The following NT5DC1 variants were observed in gnomAD, a reference collection of about 807,000 sequenced individuals.
NT5DC1 encodes 5'-nucleotidase domain containing 1.
A neutral mutation model predicts 59.4 loss-of-function variants in NT5DC1; 42 were observed. The ratio of observed to expected loss-of-function variants is 0.71; its 90% CI spans 0.55 to 0.92. The LOEUF is 0.92. NT5DC1 is among the 40% of genes least tolerant of loss of function. The pLI is 0.00. For missense variants in NT5DC1, 501 were observed against 537.1 expected (o/e 0.93, Z 0.66); for synonymous variants, 172 against 188.1 (o/e 0.91, Z 0.70).
At chr6:116,182,617 T>A (rs2114477056) in intron 6 of NT5DC1, among the ~76,000 whole-genome samples, 1 of 152,278 alleles carries the variant, frequency 6.6e-6, no homozygotes, top group Middle Eastern at 3.4e-3. Flanking sequence ...GGTTTTGGTT[T>A]GCATTTCCCT....
intron 6 of NT5DC1, among the ~76,000 whole-genome samples, chr6:116,195,357 AT>A (rs1781200883): frequency 6.6e-6 from 1 of 151,808 alleles, no homozygotes; most frequent in Non-Finnish European, 1.5e-5. Flanking sequence ...TGGAAACACC[AT>A]TTTCTGTATT....
chr6:116,228,224 T>C (rs1462971543), intron 8 of NT5DC1, among the ~76,000 whole-genome samples: 1 of 152,148 alleles, frequency 6.6e-6, no homozygotes, highest in Non-Finnish European at 1.5e-5. Context: ...TTTACCTCAT[T>C]TTGGCCGGGA....
At chr6:116,123,611 A>G (rs1779202677) in intron 6 of NT5DC1, among the ~76,000 whole-genome samples, 1 of 152,238 alleles carries the variant, frequency 6.6e-6, no homozygotes, top group African/African-American at 2.4e-5. Flanking sequence ...GAATTATGTA[A>G]TAACTCTTTG....
intron 6 of NT5DC1, among the ~76,000 whole-genome samples, chr6:116,173,684 T>G (rs1562150369): frequency 6.6e-6 from 1 of 152,204 alleles, no homozygotes; most frequent in East Asian, 1.9e-4. Context: ...TTTATTTATT[T>G]TTTTGGTTGT....
At position 116,120,648 on chromosome 6, in the gene NT5DC1, C is replaced by T. The variant is rs777462669; in HGVS notation, c.529+2703C>T. 34 of 1,547,490 alleles carry T rather than the reference C, an allele frequency of 2.2e-5. No homozygotes were observed. The highest frequency in any genetic ancestry group is 2.8e-5 in the Non-Finnish European group (32 of 1,155,018). On this transcript the variant is annotated intron_variant, in intron 6 of 11. Coordinates refer to ENST00000319550, the MANE Select transcript of NT5DC1 (RefSeq NM_152729.3). ...CTTGGACCTGGAGGCCCTGGTGGCC[C>T]GGTGGGTCCATTGAGGCCCTTAGTT... is the stretch of plus-strand genomic sequence containing the variant.
intron 6 of NT5DC1, among the ~76,000 whole-genome samples, chr6:116,200,003 G>GGC (rs1554199757): frequency 7.9e-5 from 12 of 150,984 alleles, no homozygotes; most frequent in African/African-American, 2.7e-4. Context: ...GGAAAGTGGG[G>GGC]GGGGAAGAGT....
In NT5DC1 at chr6:116,149,909, G is replaced by T. The variant is rs73772285; in HGVS notation, c.529+31964G>T. ...AGGACTTAACGGCTTTTTATCTAAA[G>T]CATAGTGTTCCCCCACTCACAGGTA... On this transcript the variant is annotated intron_variant, in intron 6 of 11. Transcript: ENST00000319550. Among the ~76,000 whole-genome samples the T allele has an allele frequency of 4.8e-3, 735 of 152,302 alleles. 11 individuals are homozygous for T. The highest frequency in any genetic ancestry group is 0.042 in the South Asian group (204 of 4,818).
chr6:116,221,274 T>G (rs765045291), intron 7 of NT5DC1, 46 bp downstream of exon 7: 7 of 1,100,400 alleles, frequency 6.4e-6, no homozygotes, highest in East Asian at 2.4e-5. Flanking sequence ...GAAATACAGA[T>G]AGCAAATTAG....
chr6:116,108,544 T>C, intron 3 of NT5DC1, 109 bp downstream of exon 3: 1 of 686,972 alleles, frequency 1.5e-6, no homozygotes, highest in South Asian at 1.7e-5. Context: ...TTTTAATTAA[T>C]CAGATGACAG....
intron 6 of NT5DC1, among the ~76,000 whole-genome samples, chr6:116,126,483 A>G (rs1213010887): frequency 2.6e-5 from 4 of 152,158 alleles, no homozygotes; most frequent in Non-Finnish European, 5.9e-5. Context: ...ATATTATATA[A>G]TATGTGGTAG....
At chr6:116,121,771 T>C in intron 6 of NT5DC1, 3 of 1,613,836 alleles carry the variant, frequency 1.9e-6, no homozygotes, top group Non-Finnish European at 2.5e-6. Flanking sequence ...CTCCTGGTTT[T>C]CCTGGGAGTC....
chr6:116,239,416 CT>C (rs1175455871), intron 11 of NT5DC1, among the ~76,000 whole-genome samples: 2 of 152,122 alleles, frequency 1.3e-5, no homozygotes, highest in African/African-American at 4.8e-5. Context: ...GCATTTGAGG[CT>C]GCTTTTCCCC....
chr6:116,112,180 T>C (rs935758962), intron 4 of NT5DC1, among the ~76,000 whole-genome samples: 1 of 152,232 alleles, frequency 6.6e-6, no homozygotes, highest in Non-Finnish European at 1.5e-5. Flanking sequence ...CTGAGAATGG[T>C]CCTGGGAGTT....
intron 6 of NT5DC1, among the ~76,000 whole-genome samples, chr6:116,140,194 A>G (rs1779731899): frequency 6.6e-6 from 1 of 152,068 alleles, no homozygotes. Flanking sequence ...ATTTTCAAGT[A>G]TTCCTCTTCT....
chr6:116,197,021 T>G (rs1361202871), intron 6 of NT5DC1, among the ~76,000 whole-genome samples: 1 of 151,710 alleles, frequency 6.6e-6, no homozygotes, highest in African/African-American at 2.4e-5. Context: ...TGAGGGCTCC[T>G]CATTCTTCTA....
At chr6:116,241,125 C>G (rs1007491895) in intron 11 of NT5DC1, among the ~76,000 whole-genome samples, 2 of 123,318 alleles carry the variant, frequency 1.6e-5, no homozygotes, top group South Asian at 2.5e-4. Flanking sequence ...GCCTGGGTAA[C>G]AGAGCAAGAC....
At chr6:116,132,380 T>G (rs1779490868) in intron 6 of NT5DC1, among the ~76,000 whole-genome samples, 1 of 152,230 alleles carries the variant, frequency 6.6e-6, no homozygotes, top group Non-Finnish European at 1.5e-5. Flanking sequence ...TAGCCTACTT[T>G]TCCTGTACAT....
chr6:116,240,523 C>A (rs1771691975), intron 11 of NT5DC1, among the ~76,000 whole-genome samples: 1 of 151,914 alleles, frequency 6.6e-6, no homozygotes, highest in South Asian at 2.1e-4. Flanking sequence ...TACTGAGGGG[C>A]ATCTGTGATT....
chr6:116,241,950 A>C (rs1311414542), intron 11 of NT5DC1, among the ~76,000 whole-genome samples: 6 of 134,328 alleles, frequency 4.5e-5, no homozygotes, highest in Non-Finnish European at 9.7e-5. Context: ...AAAACAAAAA[A>C]AAAAAAAAAC....
Sources: allele counts gnomAD v4.1 joint callset (sites outside exome capture counted in the v4.1 genomes callset), GRCh38; gene constraint gnomAD v4.1.1; transcripts MANE v1.5; gene names NCBI Gene and HGNC (gene_info 2026-07-23, HGNC 2026-07-21).